The following IMMP2L variants were observed in gnomAD, a reference collection of about 807,000 sequenced individuals.
IMMP2L encodes inner mitochondrial membrane peptidase subunit 2, also known as mitochondrial inner membrane protease subunit 2.
A neutral mutation model predicts 19.3 loss-of-function variants in IMMP2L; 18 were observed. The ratio of observed to expected loss-of-function variants is 0.93; its 90% CI spans 0.64 to 1.38. The LOEUF (loss-of-function observed/expected upper bound fraction) is 1.38, where lower values mean the gene tolerates loss of function less well. Ranked by LOEUF, IMMP2L falls within the 40% of genes most tolerant of loss-of-function variation. The pLI, the probability that IMMP2L is intolerant of heterozygous loss-of-function variation, is 0.00. For missense variants in IMMP2L, 233 were observed against 218.2 expected (o/e 1.07, Z -0.43); for synonymous variants, 76 against 73.0 (o/e 1.04, Z -0.21).
chr7:111,063,830 G>A (rs748695835), intron 3 of IMMP2L, among the ~76,000 whole-genome samples: 4 of 152,094 alleles, frequency 2.6e-5, no homozygotes, highest in Non-Finnish European at 5.9e-5. Flanking sequence ...ACCTCAGCCT[G>A]GACCTTATTT....
intron 5 of IMMP2L, among the ~76,000 whole-genome samples, chr7:110,767,573 G>A (rs1238936849): frequency 6.6e-6 from 1 of 152,064 alleles, no homozygotes; most frequent in Non-Finnish European, 1.5e-5. Context: ...ATACAAGAAC[G>A]ATACTTAGAT....
intron 4 of IMMP2L, among the ~76,000 whole-genome samples, chr7:110,959,162 A>C (rs1366602955): frequency 1.3e-5 from 2 of 151,988 alleles, no homozygotes; most frequent in Non-Finnish European, 2.9e-5. Context: ...AAGTCCTAAA[A>C]AACAGGACTG....
chr7:111,346,095 C>T (rs567348801), intron 3 of IMMP2L, among the ~76,000 whole-genome samples: 1 of 152,228 alleles, frequency 6.6e-6, no homozygotes, highest in African/African-American at 2.4e-5. Context: ...TGCTATATTT[C>T]AATGATCAAA....
At chr7:111,113,793 T>G (rs2129584628) in intron 3 of IMMP2L, among the ~76,000 whole-genome samples, 1 of 152,270 alleles carries the variant, frequency 6.6e-6, no homozygotes, top group Non-Finnish European at 1.5e-5. Context: ...AATTTCCAAA[T>G]CTAGTTGGAA....
chr7:110,868,117 T>TTGTGTGCGTGTGTGTGTGTG (rs141375897), intron 5 of IMMP2L, among the ~76,000 whole-genome samples: 5 of 144,376 alleles, frequency 3.5e-5, no homozygotes, highest in African/African-American at 1.0e-4. Flanking sequence ...CTTGTGAGGT[T>TTGTGTGCGTGTGTGTGTGTG]TGTGTGTGTG....
chr7:111,431,806 CTGT>C (rs200644891), intron 3 of IMMP2L, among the ~76,000 whole-genome samples: 2,328 of 151,722 alleles, frequency 0.015, 128 homozygotes, highest in African/African-American at 0.053. Flanking sequence ...GTTGTTGTTG[CTGT>C]TGTTGTTGTT....
At chr7:111,373,605 T>C (rs915981808) in intron 3 of IMMP2L, among the ~76,000 whole-genome samples, 3 of 152,044 alleles carry the variant, frequency 2.0e-5, no homozygotes, top group African/African-American at 7.2e-5. Flanking sequence ...TAAGCTTTGC[T>C]AATGTTTATA....
At chr7:110,664,218 A>G (rs1232664319) in intron 5 of IMMP2L, among the ~76,000 whole-genome samples, 1 of 152,066 alleles carries the variant, frequency 6.6e-6, no homozygotes, top group Non-Finnish European at 1.5e-5. Flanking sequence ...TTCTTTATGG[A>G]AAAATCACAG....
At position 111,123,354 on chromosome 7, in the gene IMMP2L, G is replaced by C; in HGVS notation, c.240-159789C>G. On this transcript the variant is annotated intron_variant, in intron 3 of 5. Coordinates refer to ENST00000405709, the MANE Select transcript of IMMP2L (RefSeq NM_032549.4). This position sits in a 1 kb window ranked among gnomAD's most constrained non-coding sequence, Gnocchi z 6.4. ...CTCTTCCAAATCTAGAGATTCTGAT[G>C]ATTGGGGAAAATCCAATTATCAGAA... The C allele has an allele frequency of 6.2e-7, 1 of 1,613,550 alleles. No homozygotes were observed. The highest frequency in any genetic ancestry group is 8.5e-7 in the Non-Finnish European group (1 of 1,179,720).
chr7:111,421,299 T>C (rs1390456493), intron 3 of IMMP2L, among the ~76,000 whole-genome samples: 1 of 142,468 alleles, frequency 7.0e-6, no homozygotes, highest in Non-Finnish European at 1.5e-5. Flanking sequence ...AGACGGAGTC[T>C]CGCTCTGTGG....
chr7:111,023,286 T>G (rs1239621727), intron 3 of IMMP2L, among the ~76,000 whole-genome samples: 1 of 152,220 alleles, frequency 6.6e-6, no homozygotes, highest in Non-Finnish European at 1.5e-5. Context: ...ACTCACAAAA[T>G]GCCATCATTT....
rs546215596 is a variant in IMMP2L at position 111,198,499 on chromosome 7, C to A, written c.240-234934G>T. Among the ~76,000 whole-genome samples, 15 of 152,294 alleles carry A rather than the reference C, an allele frequency of 9.8e-5. No homozygotes were observed. The East Asian group carries it at 2.9e-3, about 29-fold the overall frequency. The stretch of plus-strand genomic sequence containing the variant: ...TACAACATGGGTGTACCAGGTCACT[C>A]TGGTTAACCACAGCTCCTTGTGAAG... On this transcript the variant is annotated intron_variant, in intron 3 of 5. Coordinates refer to ENST00000405709, the MANE Select transcript of IMMP2L (RefSeq NM_032549.4).
At chr7:111,412,707 T>C (rs1834544433) in intron 3 of IMMP2L, among the ~76,000 whole-genome samples, 2 of 151,802 alleles carry the variant, frequency 1.3e-5, no homozygotes, top group South Asian at 4.1e-4. Flanking sequence ...TTGTACCTCA[T>C]ATCAATTTAA....
At chr7:111,186,426 AT>A (rs201342196) in intron 3 of IMMP2L, among the ~76,000 whole-genome samples, 91 of 146,384 alleles carry the variant, frequency 6.2e-4, no homozygotes, top group Non-Finnish European at 9.8e-4. Context: ...ATATCTTTCA[AT>A]TTTTTTTTTT....
chr7:111,291,932 C>T (rs1338368802), intron 3 of IMMP2L, among the ~76,000 whole-genome samples: 3 of 152,130 alleles, frequency 2.0e-5, no homozygotes, highest in African/African-American at 7.2e-5. Context: ...CTAAAGGAAT[C>T]TCCACAAGCT....
At chr7:110,907,498 G>T (rs1406500809) in intron 4 of IMMP2L, among the ~76,000 whole-genome samples, 1 of 151,910 alleles carries the variant, frequency 6.6e-6, no homozygotes, top group East Asian at 2.0e-4. Context: ...ATGGGCACAT[G>T]ATGGGGGATG....
chr7:111,104,457 T>G (rs1450455766), intron 3 of IMMP2L, among the ~76,000 whole-genome samples: 1 of 151,876 alleles, frequency 6.6e-6, no homozygotes, highest in African/African-American at 2.4e-5. Context: ...TATTTTGATA[T>G]GATGTCACTT....
chr7:111,143,791 A>C (rs1380348131), intron 3 of IMMP2L, among the ~76,000 whole-genome samples: 1 of 152,144 alleles, frequency 6.6e-6, no homozygotes. Flanking sequence ...CTACGTGAGA[A>C]AATGCATTCT....
chr7:111,447,916 T>G (rs1421800035), intron 3 of IMMP2L, among the ~76,000 whole-genome samples: 1 of 147,038 alleles, frequency 6.8e-6, no homozygotes, highest in African/African-American at 2.6e-5. Flanking sequence ...TCCTAGTCTC[T>G]GATAAAACAG....
Sources: gnomAD v4.1 joint callset for allele counts (sites outside exome capture counted in the v4.1 genomes callset) on GRCh38, gnomAD v4.1.1 for gene constraint, Gnocchi (gnomAD v3.1) non-coding constraint, MANE v1.5 for transcripts, NCBI Gene and HGNC (gene_info 2026-07-23, HGNC 2026-07-21) for gene names.